The following DIAPH2 variants were observed in gnomAD, a reference collection of about 807,000 sequenced individuals.
DIAPH2 encodes the protein diaphanous related formin 2, also known as protein diaphanous homolog 2.
A neutral mutation model predicts 92.7 loss-of-function variants in DIAPH2; 35 were observed. The observed-to-expected ratio is 0.38, with a 90% CI of 0.29 to 0.50. The LOEUF is 0.50. Among genes scored for constraint, DIAPH2 ranks in the 20% least tolerant of loss-of-function variants. The pLI, the probability that DIAPH2 is intolerant of heterozygous loss-of-function variation, is 0.94. For synonymous variants in DIAPH2, 301 were observed against 280.4 expected (o/e 1.07, Z -0.73); for missense variants, 701 against 819.5 (o/e 0.86, Z 1.77).
intron 17 of DIAPH2, among the ~76,000 whole-genome samples, chrX:97,011,566 T>G (rs750639156): frequency 4.5e-5 from 5 of 111,615 alleles, no homozygotes; most frequent in Non-Finnish European, 9.4e-5. Context: ...TGTTTTACAT[T>G]GGAAGCAATT....
At chrX:97,282,589 A>G (rs2068507948) in intron 23 of DIAPH2, among the ~76,000 whole-genome samples, 1 of 112,045 alleles carries the variant, frequency 8.9e-6, no homozygotes, top group Non-Finnish European at 1.9e-5. Flanking sequence ...GATTACAGGC[A>G]TGAGCCACCA....
chrX:96,978,728 C>T (rs1000169586), intron 17 of DIAPH2, among the ~76,000 whole-genome samples: 9 of 110,941 alleles, frequency 8.1e-5, no homozygotes, highest in Middle Eastern at 4.3e-3. Flanking sequence ...ATAGAACACT[C>T]ATTTATTTTC....
At chrX:97,178,441 C>CTTTTT (rs1569321100) in intron 22 of DIAPH2, among the ~76,000 whole-genome samples, 9 of 88,964 alleles carry the variant, frequency 1.0e-4, no homozygotes, top group African/African-American at 4.3e-4. Flanking sequence ...GCCTATATTT[C>CTTTTT]TCTTTTTTTT....
chrX:97,244,059 C>G lies in DIAPH2; in HGVS notation c.2720-3656C>G, dbSNP rs763334101. 6.3e-5 allele frequency among the ~76,000 whole-genome samples: 7 copies of G among 111,495 alleles called. No individual in the cohort carries two copies. The South Asian group carries it at 2.2e-3, about 36-fold the overall frequency. ...TATGAGATAAAAGACAATTATTATT[C>G]AAAGCAGAAGGTGATAGGTCGAAGA... On this transcript the variant is annotated intron_variant, in intron 22 of 26. Transcript: ENST00000324765.
chrX:97,382,282 A>T (rs1372149395), intron 24 of DIAPH2, among the ~76,000 whole-genome samples: 1 of 112,194 alleles, frequency 8.9e-6, no homozygotes, highest in Non-Finnish European at 1.9e-5. Context: ...AAAATTTACC[A>T]TTGTAGTTTA....
At chrX:96,982,625 C>T (rs1167522879) in intron 17 of DIAPH2, among the ~76,000 whole-genome samples, 2 of 112,207 alleles carry the variant, frequency 1.8e-5, no homozygotes, top group African/African-American at 3.2e-5. Context: ...TATCACTCCT[C>T]TCATAGGTTT....
intron 22 of DIAPH2, among the ~76,000 whole-genome samples, chrX:97,230,580 G>A (rs1363745871): frequency 2.7e-5 from 3 of 112,107 alleles, no homozygotes; most frequent in Non-Finnish European, 5.6e-5. Context: ...TTTAAACGGA[G>A]TTTGGCTCTT....
At chrX:97,517,570 A>G (rs1302322823) in intron 26 of DIAPH2, among the ~76,000 whole-genome samples, 1 of 112,148 alleles carries the variant, frequency 8.9e-6, no homozygotes, top group East Asian at 2.8e-4. Flanking sequence ...ATTTGTGGTG[A>G]AATACAATAG....
At chrX:97,322,015 ATTT>A (rs986213314) in intron 23 of DIAPH2, among the ~76,000 whole-genome samples, 3 of 112,573 alleles carry the variant, frequency 2.7e-5, no homozygotes, top group Non-Finnish European at 5.6e-5. Flanking sequence ...GGAAGGACGT[ATTT>A]TTATTAAAGT....
chrX:97,510,958 T>C (rs1404480991), intron 26 of DIAPH2, among the ~76,000 whole-genome samples: 2 of 109,330 alleles, frequency 1.8e-5, no homozygotes, highest in Admixed American at 9.7e-5. Flanking sequence ...CCTCCAGCTT[T>C]GTTCTTTTGG....
At chrX:97,317,249 T>A (rs762263174) in intron 23 of DIAPH2, among the ~76,000 whole-genome samples, 39 of 111,853 alleles carry the variant, frequency 3.5e-4, no homozygotes, top group African/African-American at 1.2e-3. Flanking sequence ...AATCCATTGT[T>A]TGTCTGTGGT....
At chrX:97,018,550 A>T (rs1003515328) in intron 17 of DIAPH2, among the ~76,000 whole-genome samples, 5 of 111,955 alleles carry the variant, frequency 4.5e-5, no homozygotes, top group Non-Finnish European at 9.4e-5. Context: ...TATATTAAAA[A>T]CCCATGAGCT....
intron 26 of DIAPH2, among the ~76,000 whole-genome samples, chrX:97,593,774 C>G (rs746478919): frequency 5.4e-5 from 6 of 111,097 alleles, no homozygotes; most frequent in Admixed American, 9.6e-5. Flanking sequence ...AAAATAAAAA[C>G]AAAAGCAGAA....
chrX:97,400,595 AC>A (rs1376154576), intron 25 of DIAPH2, among the ~76,000 whole-genome samples: 1 of 111,482 alleles, frequency 9.0e-6, no homozygotes, highest in East Asian at 2.8e-4. Context: ...ATTAACTATA[AC>A]CACCATGCTG....
intron 23 of DIAPH2, among the ~76,000 whole-genome samples, chrX:97,316,411 G>T (rs1939453046): frequency 9.4e-6 from 1 of 106,614 alleles, no homozygotes; most frequent in East Asian, 2.9e-4. Context: ...GGAGGCCGAG[G>T]CAGGCGGATC....
At chrX:97,128,277 TGTAAATTGTCATGGCG>T (rs1489982737) in intron 21 of DIAPH2, among the ~76,000 whole-genome samples, 8 of 111,070 alleles carry the variant, frequency 7.2e-5, no homozygotes, top group African/African-American at 2.0e-4. Flanking sequence ...CCATGACATT[TGTAAATTGTCATGGCG>T]CTGGTGGGAG....
chrX:97,509,192 G>A (rs1158734496), intron 26 of DIAPH2, among the ~76,000 whole-genome samples: 3 of 108,536 alleles, frequency 2.8e-5, no homozygotes, highest in Non-Finnish European at 3.8e-5. Context: ...GATTACAGAT[G>A]TGCACCACCA....
At chrX:97,222,856 C>T (rs2067936843) in intron 22 of DIAPH2, among the ~76,000 whole-genome samples, 1 of 111,386 alleles carries the variant, frequency 9.0e-6, no homozygotes, top group Non-Finnish European at 1.9e-5. Context: ...GGATCTCACA[C>T]TGTTACCAAG....
chrX:96,970,279 G>A (rs2065919898), intron 17 of DIAPH2, among the ~76,000 whole-genome samples: 2 of 111,863 alleles, frequency 1.8e-5, no homozygotes, highest in Admixed American at 9.5e-5. Flanking sequence ...AACAGTTTCA[G>A]TAGAATTGGT....
Sources: gnomAD v4.1 joint callset for allele counts (sites outside exome capture counted in the v4.1 genomes callset) on GRCh38, gnomAD v4.1.1 for gene constraint, MANE v1.5 for transcripts, NCBI Gene and HGNC (gene_info 2026-07-23, HGNC 2026-07-21) for gene names.